ZNF251: variants seen among roughly 807,000 people sequenced by gnomAD.
The protein encoded by ZNF251 is zinc finger protein 251.
Under a neutral mutation model 13.5 loss-of-function variants are expected in ZNF251, and 14 were observed. The ratio of observed to expected loss-of-function variants is 1.04; its 90% confidence interval spans 0.69 to 1.63. The LOEUF is 1.63. Among genes scored for constraint, ZNF251 ranks in the 40% most tolerant of loss-of-function variants. ZNF251 has a pLI of 0.00. For synonymous variants in ZNF251, 287 were observed against 295.2 expected, an observed-to-expected ratio of 0.97 and a Z score of 0.28; for missense variants, 764 against 834.9, an observed-to-expected ratio of 0.92 and a Z score of 1.05.
chr8:144,729,424 C>A (rs1374339472), intron 4 of ZNF251, among the ~76,000 whole-genome samples: 1 of 150,708 alleles, frequency 6.6e-6, no homozygotes, highest in African/African-American at 2.4e-5. Flanking sequence ...GCAAGCTCCG[C>A]CTCCCGGGTT....
chr8:144,744,028 T>C (rs1481940014), intron 4 of ZNF251, among the ~76,000 whole-genome samples: 1 of 147,756 alleles, frequency 6.8e-6, no homozygotes, highest in Non-Finnish European at 1.5e-5. Flanking sequence ...TTTTTTTTTT[T>C]TTGGAGATGG....
At chr8:144,725,711 A>G (rs527663702) in intron 4 of ZNF251, among the ~76,000 whole-genome samples, 2 of 152,346 alleles carry the variant, frequency 1.3e-5, no homozygotes, top group South Asian at 4.1e-4. Flanking sequence ...GACATGCTAC[A>G]TGCTCCAACA....
At chr8:144,753,049 G>T (rs1257423950) in intron 4 of ZNF251, among the ~76,000 whole-genome samples, 3 of 151,946 alleles carry the variant, frequency 2.0e-5, no homozygotes, top group Non-Finnish European at 4.4e-5. Flanking sequence ...GGTCGACATG[G>T]ATCACTTGAT....
intron 2 of ZNF251, 26 bp from the exon 3 acceptor site, chr8:144,754,347 A>ATG: frequency 6.3e-7 from 1 of 1,577,408 alleles, no homozygotes; most frequent in Admixed American, 1.8e-5. Flanking sequence ...GCCGCTGCCC[A>ATG]GGCCATGCCC....
intron 4 of ZNF251, among the ~76,000 whole-genome samples, chr8:144,749,522 T>C (rs900302782): frequency 1.3e-5 from 2 of 152,176 alleles, no homozygotes; most frequent in Non-Finnish European, 2.9e-5. Context: ...TGATTACTGA[T>C]GTTGCTGAAT....
intron 4 of ZNF251, among the ~76,000 whole-genome samples, chr8:144,747,137 C>A (rs2130063557): frequency 6.6e-6 from 1 of 152,304 alleles, no homozygotes; most frequent in Admixed American, 6.5e-5. Context: ...TCACAGCATT[C>A]CACAAATTTT....
chr8:144,741,239 C>A (rs1371575497), intron 4 of ZNF251, among the ~76,000 whole-genome samples: 1 of 152,246 alleles, frequency 6.6e-6, no homozygotes, highest in Non-Finnish European at 1.5e-5. Flanking sequence ...GACAGGCCAA[C>A]ACACAAGCCT....
At chr8:144,740,170 A>G (rs1824092707) in intron 4 of ZNF251, among the ~76,000 whole-genome samples, 1 of 151,466 alleles carries the variant, frequency 6.6e-6, no homozygotes, top group Non-Finnish European at 1.5e-5. Flanking sequence ...CTGTAATCCC[A>G]TCTACTCCGG....
At chr8:144,735,343 C>T (rs952448839) in intron 4 of ZNF251, among the ~76,000 whole-genome samples, 1 of 148,892 alleles carries the variant, frequency 6.7e-6, no homozygotes, top group Non-Finnish European at 1.5e-5. Context: ...GCTGAGATCA[C>T]CCCATTGCAG....
rs188902568 is a variant in ZNF251 at position 144,739,273 on chromosome 8, C to T, written c.277+14410G>A. ...AGGATCACAAATCATGACTCCACCC[C>T]GCCAAACTAGGATCACAAATCACGA... On this transcript the variant is annotated intron_variant, in intron 4 of 4. Coordinates refer to ENST00000292562, the MANE Select transcript of ZNF251 (RefSeq NM_138367.2). Among the ~76,000 whole-genome samples, 219 of 148,940 alleles carry T rather than the reference C, an allele frequency of 1.5e-3. 1 individual carries two copies. Among genetic ancestry groups the T allele is most frequent in the Non-Finnish European group, 4.6e-4 (31 of 67,150 alleles).
chr8:144,750,068 T>G (rs573192977), intron 4 of ZNF251, among the ~76,000 whole-genome samples: 6 of 152,234 alleles, frequency 3.9e-5, no homozygotes, highest in Non-Finnish European at 8.8e-5. Context: ...GCATACTGTC[T>G]ACTTTTTCCC....
intron 4 of ZNF251, among the ~76,000 whole-genome samples, chr8:144,738,038 G>A (rs1270946682): frequency 6.6e-6 from 1 of 151,998 alleles, no homozygotes. Flanking sequence ...ATGTTTTGGA[G>A]ACAAGAGTTT....
intron 4 of ZNF251, chr8:144,738,853 C>T (rs1824024174): frequency 1.0e-6 from 1 of 985,136 alleles, no homozygotes; most frequent in South Asian, 4.7e-5. Flanking sequence ...TCAAGGCAAC[C>T]TCATGGGGGC....
At chr8:144,730,133 T>C (rs1823650549) in intron 4 of ZNF251, 7 of 985,114 alleles carry the variant, frequency 7.1e-6, no homozygotes, top group Non-Finnish European at 8.4e-6. Context: ...AAAAGAGAAC[T>C]CAGGAACCAA....
intron 4 of ZNF251, among the ~76,000 whole-genome samples, chr8:144,739,589 C>T (rs1824064925): frequency 1.3e-5 from 2 of 152,168 alleles, no homozygotes; most frequent in African/African-American, 4.8e-5. Flanking sequence ...CCCAAAGTGC[C>T]GGAATTACAG....
intron 3 of ZNF251, 51 bp downstream of exon 3, chr8:144,754,141 A>G (rs1217094661): frequency 1.3e-6 from 2 of 1,576,836 alleles, no homozygotes; most frequent in Non-Finnish European, 1.7e-6. Context: ...CAGCCTCCCA[A>G]GCTCCTCAGA....
At chr8:144,752,274 C>A (rs1824735876) in intron 4 of ZNF251, among the ~76,000 whole-genome samples, 2 of 151,748 alleles carry the variant, frequency 1.3e-5, no homozygotes, top group Non-Finnish European at 2.9e-5. Context: ...GGTATTTGTA[C>A]TGGGAGAGAC....
At chr8:144,732,672 T>A (rs200103205) in intron 4 of ZNF251, among the ~76,000 whole-genome samples, 1 of 151,614 alleles carries the variant, frequency 6.6e-6, no homozygotes, top group Admixed American at 6.6e-5. Context: ...ATTAGCTGGG[T>A]GTGGTGGCAG....
rs886588708 is a variant in ZNF251, at chr8:144,734,757, G to T, written c.278-11375C>A. Among the ~76,000 whole-genome samples the T allele has an allele frequency of 2.6e-5, 4 of 152,184 alleles. No individual in the cohort carries two copies. The highest frequency in any genetic ancestry group is 4.4e-5 in the Non-Finnish European group (3 of 68,022). On this transcript the variant is annotated intron_variant, in intron 4 of 4. Transcript: ENST00000292562. This position sits in a 1 kb window ranked among gnomAD's most constrained non-coding sequence, Gnocchi z 4.4. ...AACTGGAGACCAAAATTCCTCTGTG[G>T]TAGAAAATTCAAATTTGTCTTAAGG... is the stretch of plus-strand genomic sequence containing the variant.
Sources: allele counts gnomAD v4.1 joint callset (sites outside exome capture counted in the v4.1 genomes callset), GRCh38; gene constraint gnomAD v4.1.1; non-coding constraint Gnocchi (gnomAD v3.1); transcripts MANE v1.5; gene names NCBI Gene and HGNC (gene_info 2026-07-23, HGNC 2026-07-21).